LRRC7: variants seen among roughly 807,000 people sequenced by gnomAD.
The protein encoded by LRRC7 is leucine rich repeat containing 7.
A neutral mutation model predicts 175.7 loss-of-function variants in LRRC7; 23 were observed. The observed-to-expected ratio is 0.13, with a 90% CI of 0.09 to 0.19. The LOEUF (loss-of-function observed/expected upper bound fraction) is 0.19, where lower values mean the gene tolerates loss of function less well. Ranked by LOEUF, LRRC7 falls within the 10% of genes least tolerant of loss-of-function variation. The pLI is 1.00. For synonymous variants in LRRC7, 685 were observed against 680.9 expected, an observed-to-expected ratio of 1.01 and a Z score of -0.09; for missense variants, 1,354 against 1,904.7, an observed-to-expected ratio of 0.71 and a Z score of 5.38.
intron 1 of LRRC7, among the ~76,000 whole-genome samples, chr1:69,580,100 T>G (rs1004251685): frequency 2.6e-5 from 4 of 152,096 alleles, no homozygotes; most frequent in African/African-American, 9.7e-5. Context: ...GAGAAAGAAA[T>G]AAAGGCATTG....
chr1:69,879,222 AAAAAAAAAAAAAAAG>A (rs1376724754), intron 7 of LRRC7, among the ~76,000 whole-genome samples: 1 of 123,474 alleles, frequency 8.1e-6, no homozygotes, highest in Non-Finnish European at 1.7e-5. Flanking sequence ...TAAAAAAAAA[AAAAAAAAAAAAAAAG>A]ACTGCGCACT....
intron 11 of LRRC7, among the ~76,000 whole-genome samples, chr1:70,009,707 A>G (rs1354641439): frequency 6.6e-6 from 1 of 152,218 alleles, no homozygotes; most frequent in Non-Finnish European, 1.5e-5. Flanking sequence ...TTGTCAATAT[A>G]AAAGGAAAAA....
At chr1:69,699,704 C>T (rs1740901) in intron 2 of LRRC7, among the ~76,000 whole-genome samples, 16,463 of 151,228 alleles carry the variant, frequency 0.11, 1,509 homozygotes, top group African/African-American at 0.25. Flanking sequence ...GGCAGCTTTA[C>T]TGAACAGGGC....
Position 69,627,878 on chromosome 1 carries a change from C to G in LRRC7, c.3-50503C>G, listed in dbSNP as rs72936562. The stretch of plus-strand genomic sequence containing the variant: ...TATATAATGTAAGATAAAGATCTAA[C>G]TCCTTTTGCTCTAAAAGCTTAACCA... On this transcript the variant is annotated intron_variant, in intron 1 of 26. Coordinates refer to ENST00000651989, the MANE Select transcript of LRRC7 (RefSeq NM_001370785.2). Among the ~76,000 whole-genome samples, 984 of 150,114 alleles carry G rather than the reference C, an allele frequency of 6.6e-3. 12 individuals are homozygous for G. Among genetic ancestry groups the G allele is most frequent in the African/African-American group, 0.022 (931 of 41,394 alleles).
chr1:69,623,628 G>A (rs528347758), intron 1 of LRRC7, among the ~76,000 whole-genome samples: 18 of 144,876 alleles, frequency 1.2e-4, no homozygotes, highest in African/African-American at 4.6e-4. Context: ...TCGGCTCACC[G>A]CAACCTCTGC....
intron 2 of LRRC7, among the ~76,000 whole-genome samples, chr1:69,683,275 T>C (rs1660725337): frequency 6.6e-6 from 1 of 152,160 alleles, no homozygotes; most frequent in African/African-American, 2.4e-5. Context: ...CTACATATGT[T>C]TTGAATCTGT....
At chr1:69,687,378 C>T (rs770186791) in intron 2 of LRRC7, among the ~76,000 whole-genome samples, 56 of 151,804 alleles carry the variant, frequency 3.7e-4, no homozygotes, top group Non-Finnish European at 7.2e-4. Flanking sequence ...GGTGTGGTGG[C>T]ACACGCCTGT....
chr1:69,616,122 G>A (rs1649574421), intron 1 of LRRC7, among the ~76,000 whole-genome samples: 1 of 151,960 alleles, frequency 6.6e-6, no homozygotes, highest in South Asian at 2.1e-4. Flanking sequence ...ATACAAGAAA[G>A]CACAATTCTT....
At chr1:69,672,974 C>G (rs1423576489) in intron 1 of LRRC7, among the ~76,000 whole-genome samples, 1 of 152,182 alleles carries the variant, frequency 6.6e-6, no homozygotes, top group East Asian at 1.9e-4. Context: ...AATTTCTATT[C>G]TAACTGCAGT....
chr1:69,823,317 C>T (rs1679517437), intron 4 of LRRC7, among the ~76,000 whole-genome samples: 1 of 152,164 alleles, frequency 6.6e-6, no homozygotes, highest in Non-Finnish European at 1.5e-5. Context: ...TTCATCTTTA[C>T]TGTCTTTTTG....
intron 1 of LRRC7, among the ~76,000 whole-genome samples, chr1:69,676,771 A>T (rs1659824304): frequency 2.0e-5 from 3 of 151,962 alleles, no homozygotes; most frequent in African/African-American, 7.2e-5. Context: ...GAAAACTGGT[A>T]CTTTTTAAAA....
chr1:69,684,840 T>C lies in LRRC7; in HGVS notation c.100+6362T>C, dbSNP rs567893478. Reference sequence around the variant, plus strand: ...GAAGAGAGCCACCGATATCTTATTCTATAATCCCAATCGACAGGCAGTTCA... The same window carrying C: ...GAAGAGAGCCACCGATATCTTATTCCATAATCCCAATCGACAGGCAGTTCA... On this transcript the variant is annotated intron_variant, in intron 2 of 26. Coordinates refer to ENST00000651989, the MANE Select transcript of LRRC7 (RefSeq NM_001370785.2). Among the ~76,000 whole-genome samples, 78 of 152,328 alleles carry C rather than the reference T, an allele frequency of 5.1e-4. 1 individual carries two copies. In the Middle Eastern group the frequency reaches 0.01, roughly 20 times the overall value.
intron 1 of LRRC7, among the ~76,000 whole-genome samples, chr1:69,634,584 G>A (rs1225361225): frequency 6.6e-6 from 1 of 152,012 alleles, no homozygotes; most frequent in African/African-American, 2.4e-5. Flanking sequence ...TATGTTTTCC[G>A]GATAAGCAGA....
chr1:70,019,802 CCAT>C (rs1186706392), intron 15 of LRRC7, among the ~76,000 whole-genome samples: 2 of 151,910 alleles, frequency 1.3e-5, no homozygotes, highest in Non-Finnish European at 2.9e-5. Context: ...AGAAAAACCA[CCAT>C]GTTTACACAT....
intron 23 of LRRC7, among the ~76,000 whole-genome samples, chr1:70,057,742 T>C (rs1461763265): frequency 6.6e-6 from 1 of 152,184 alleles, no homozygotes; most frequent in African/African-American, 2.4e-5. Context: ...CTCATGGCCA[T>C]GCCAGCCAGT....
At chr1:69,907,853 T>C (rs1435342574) in intron 7 of LRRC7, among the ~76,000 whole-genome samples, 1 of 152,134 alleles carries the variant, frequency 6.6e-6, no homozygotes, top group Admixed American at 6.5e-5. Flanking sequence ...TTCCTCCTTG[T>C]ACCTCTGGTA....
chr1:70,104,558 C>G (rs1371884474), intron 25 of LRRC7, among the ~76,000 whole-genome samples: 1 of 152,078 alleles, frequency 6.6e-6, no homozygotes, highest in Non-Finnish European at 1.5e-5. Context: ...AAAAAGGAAA[C>G]TATACCAACG....
chr1:69,945,034 A>G (rs560928983), intron 8 of LRRC7, among the ~76,000 whole-genome samples: 2 of 151,852 alleles, frequency 1.3e-5, no homozygotes, highest in South Asian at 4.1e-4. Flanking sequence ...GTCTATTTTT[A>G]CTTCTTTTGT....
intron 22 of LRRC7, among the ~76,000 whole-genome samples, chr1:70,050,265 C>A (rs1332493588): frequency 6.6e-6 from 1 of 152,032 alleles, no homozygotes; most frequent in Non-Finnish European, 1.5e-5. Context: ...TGTGATCATT[C>A]ATAGCAGTCA....
Sources: allele counts gnomAD v4.1 joint callset (sites outside exome capture counted in the v4.1 genomes callset), GRCh38; gene constraint gnomAD v4.1.1; transcripts MANE v1.5; gene names NCBI Gene and HGNC (gene_info 2026-07-23, HGNC 2026-07-21).